Variants in DGKB observed in about 807,000 individuals in gnomAD.
DGKB encodes 90 kDa diacylglycerol kinase.
A neutral mutation model predicts 114.3 loss-of-function variants in DGKB; 67 were observed. The ratio of observed to expected loss-of-function variants is 0.59; its 90% CI spans 0.48 to 0.72. The LOEUF is 0.72. Ranked by LOEUF, DGKB falls within the 30% of genes least tolerant of loss-of-function variation. DGKB has a pLI of 0.00. For synonymous variants in DGKB, 398 were observed against 323.1 expected (o/e 1.23, Z -2.49); for missense variants, 907 against 975.2 (o/e 0.93, Z 0.93).
chr7:14,179,386 AAATACAC>A (rs1459534447), intron 23 of DGKB, among the ~76,000 whole-genome samples: 10 of 152,246 alleles, frequency 6.6e-5, no homozygotes, highest in Admixed American at 6.5e-4. Flanking sequence ...TTTCAAATAT[AAATACAC>A]AATTGTACAT....
At chr7:14,321,093 C>A (rs1346900592) in intron 23 of DGKB, among the ~76,000 whole-genome samples, 6 of 152,008 alleles carry the variant, frequency 3.9e-5, no homozygotes, top group African/African-American at 1.4e-4. Flanking sequence ...GAGTTTGAGA[C>A]CATTCTGGAA....
At chr7:14,561,356 C>T (rs1045952977) in intron 20 of DGKB, among the ~76,000 whole-genome samples, 2 of 152,092 alleles carry the variant, frequency 1.3e-5, no homozygotes, top group Non-Finnish European at 2.9e-5. Flanking sequence ...ATTACACAGT[C>T]TCAGGTATGT....
intron 21 of DGKB, among the ~76,000 whole-genome samples, chr7:14,465,414 A>C (rs1833689120): frequency 6.6e-6 from 1 of 152,206 alleles, no homozygotes; most frequent in Admixed American, 6.5e-5. Context: ...AAAGCTTGGA[A>C]GAGAGTCAGA....
chr7:14,392,360 A>G (rs560012451), intron 21 of DGKB, among the ~76,000 whole-genome samples: 1 of 152,300 alleles, frequency 6.6e-6, no homozygotes, highest in Non-Finnish European at 1.5e-5. Flanking sequence ...AGGTAGTGAG[A>G]ATCTAGTTGT....
Position 14,574,275 on chromosome 7 carries a change from G to T in DGKB, c.1707C>A (p.Asp569Glu), listed in dbSNP as rs752399737. The T allele has an allele frequency of 1.2e-6, 2 of 1,613,070 alleles. No homozygotes were observed. The highest frequency in any genetic ancestry group is 1.7e-6 in the Non-Finnish European group (2 of 1,179,398). The change falls in exon 20 of 26, where the codon GAC becomes GAA. Residue 569 changes from aspartate (D) to glutamate (E), a missense_variant. Physicochemically the swap from Asp to Glu is conservative, Grantham distance 45. Transcript: ENST00000402815. Reference protein sequence around the residue: ...DRWKFEVIPNDKDEKGDPVPY... With the variant: ...DRWKFEVIPNEKDEKGDPVPY... The stretch of plus-strand genomic sequence containing the variant: ...GCACTGGGTCTCCTTTCTCATCTTT[G>T]TCATTAGGTATGACTTCAAACTTCC...
rs532416976 is a variant in DGKB, at chr7:14,825,238, G to T, written c.70+15956C>A. On this transcript the variant is annotated intron_variant, in intron 2 of 25. Transcript: ENST00000402815. ...CCAGACTTTTTGGCACCAGGGACCAGTGTCATGGAAGATAATTTTTCCATG... is the reference window on the plus strand; with the variant it reads ...CCAGACTTTTTGGCACCAGGGACCATTGTCATGGAAGATAATTTTTCCATG... Among the ~76,000 whole-genome samples the T allele has an allele frequency of 3.3e-5, 5 of 151,736 alleles. No individual in the cohort carries two copies. The East Asian group carries it at 9.7e-4, about 29-fold the overall frequency.
At chr7:14,805,519 G>T (rs1401443734) in intron 2 of DGKB, among the ~76,000 whole-genome samples, 1 of 151,836 alleles carries the variant, frequency 6.6e-6, no homozygotes, top group Non-Finnish European at 1.5e-5. Context: ...GTTTTTTTCA[G>T]TTGCCATGGA....
Position 14,149,068 on chromosome 7 carries a change from C to T in DGKB, c.*63G>A. ...AGACTTGAAATGGTTCAAAGATTTCCAGCATATGTGTTCCATGGCCCAATT... is the reference window on the plus strand; with the variant it reads ...AGACTTGAAATGGTTCAAAGATTTCTAGCATATGTGTTCCATGGCCCAATT... On this transcript the variant is annotated 3_prime_UTR_variant, in exon 26 of 26. Transcript: ENST00000402815. 1 of 1,377,464 alleles carries T rather than the reference C, an allele frequency of 7.3e-7. No homozygotes were observed. The highest frequency in any genetic ancestry group is 1.0e-6 in the Non-Finnish European group (1 of 965,770). 85.3% of individuals were successfully genotyped at this position (1,377,464 alleles called of 1,614,324 possible).
intron 2 of DGKB, among the ~76,000 whole-genome samples, chr7:14,772,167 C>T (rs893178881): frequency 1.3e-5 from 2 of 152,098 alleles, no homozygotes; most frequent in Non-Finnish European, 1.5e-5. Context: ...ACCCCAACCA[C>T]CTTAGGCATA....
chr7:14,661,093 C>T (rs1255542406), intron 13 of DGKB, among the ~76,000 whole-genome samples: 2,049 of 151,418 alleles, frequency 0.014, 24 homozygotes, highest in South Asian at 0.021. Flanking sequence ...CCTAAAACCA[C>T]AAAGACCCTA....
At position 14,522,614 on chromosome 7, in the gene DGKB, G is replaced by T. The variant is rs115957532; in HGVS notation, c.1771-44389C>A. Among the ~76,000 whole-genome samples the T allele has an allele frequency of 7.6e-3, 1,155 of 152,282 alleles. 12 individuals carry two copies. Among genetic ancestry groups the T allele is most frequent in the African/African-American group, 0.026 (1,095 of 41,564 alleles). On this transcript the variant is annotated intron_variant, in intron 20 of 25. Coordinates refer to ENST00000402815, the MANE Select transcript of DGKB (RefSeq NM_001350709.2). ...TACCATATTGACACAACTGGAAAGG[G>T]GGTGGATGGGAGCATGCCCAGGAAA...
At chr7:14,701,589 G>C in intron 7 of DGKB, 92 bp downstream of exon 7, 3 of 878,990 alleles carry the variant, frequency 3.4e-6, no homozygotes, top group East Asian at 2.4e-5. Context: ...CATTAAGTGT[G>C]CCTTCTGTGG....
intron 1 of DGKB, among the ~76,000 whole-genome samples, chr7:14,922,737 A>G (rs139682723): frequency 7.9e-5 from 12 of 152,268 alleles, no homozygotes; most frequent in African/African-American, 2.9e-4. Flanking sequence ...GAAATTGACC[A>G]ATAATAATTG....
intron 23 of DGKB, among the ~76,000 whole-genome samples, chr7:14,334,100 T>C (rs1810225615): frequency 6.6e-6 from 1 of 152,192 alleles, no homozygotes; most frequent in South Asian, 2.1e-4. Context: ...TGCATTTTCA[T>C]TTAGGTATCA....
At chr7:14,183,864 A>G (rs554228916) in intron 23 of DGKB, among the ~76,000 whole-genome samples, 13 of 152,328 alleles carry the variant, frequency 8.5e-5, no homozygotes, top group African/African-American at 1.2e-4. Context: ...TTTTAGCTCA[A>G]TAGATTGCAA....
chr7:14,539,587 GT>G (rs1793084667), intron 20 of DGKB, among the ~76,000 whole-genome samples: 1 of 152,028 alleles, frequency 6.6e-6, no homozygotes. Flanking sequence ...TTAAGCAAGG[GT>G]TTTTAAAAAT....
chr7:14,608,244 C>T (rs929125607), intron 16 of DGKB, among the ~76,000 whole-genome samples: 1 of 151,984 alleles, frequency 6.6e-6, no homozygotes. Context: ...TTACCACAAT[C>T]AGTTAGGCAT....
chr7:14,599,223 T>C (rs1803114130), intron 17 of DGKB, among the ~76,000 whole-genome samples: 1 of 152,106 alleles, frequency 6.6e-6, no homozygotes, highest in South Asian at 2.1e-4. Flanking sequence ...TAAAATACAA[T>C]ACAGTCCTGG....
chr7:14,623,380 G>C (rs1807994033), intron 14 of DGKB, among the ~76,000 whole-genome samples: 1 of 152,028 alleles, frequency 6.6e-6, no homozygotes, highest in Non-Finnish European at 1.5e-5. Flanking sequence ...AAATGTATGG[G>C]GTAACTGAGA....
Sources: gnomAD v4.1 joint callset for allele counts (sites outside exome capture counted in the v4.1 genomes callset) on GRCh38, gnomAD v4.1.1 for gene constraint, MANE v1.5 for transcripts, NCBI Gene and HGNC (gene_info 2026-07-23, HGNC 2026-07-21) for gene names.